STPG4: variants seen among roughly 807,000 people sequenced by gnomAD.
The protein encoded by STPG4 is protein STPG4.
In STPG4, 41 loss-of-function variants were observed where a neutral mutation model predicts 31.5. That is an observed-to-expected ratio of 1.30 (90% CI 1.01 to 1.69). The LOEUF (loss-of-function observed/expected upper bound fraction) is 1.69. Among genes scored for constraint, STPG4 ranks in the 40% most tolerant of loss-of-function variants. The pLI, the probability that STPG4 is intolerant of heterozygous loss-of-function variation, is 0.00. For synonymous variants in STPG4, 141 were observed against 103.0 expected (o/e 1.37, Z -2.24); for missense variants, 375 against 293.4 (o/e 1.28, Z -2.03).
intron 5 of STPG4, among the ~76,000 whole-genome samples, chr2:47,126,439 C>A (rs1277702697): frequency 6.6e-6 from 1 of 152,094 alleles, no homozygotes; most frequent in African/African-American, 2.4e-5. Context: ...GATCCTCCCA[C>A]CTTAGCCTCG....
At chr2:47,150,695 G>A (rs1383909289) in intron 3 of STPG4, among the ~76,000 whole-genome samples, 2 of 151,084 alleles carry the variant, frequency 1.3e-5, no homozygotes, top group Non-Finnish European at 2.9e-5. Context: ...ATATTGCCCG[G>A]GCTGATCTAC....
intron 3 of STPG4, among the ~76,000 whole-genome samples, chr2:47,145,678 T>G (rs550567115): frequency 4.3e-4 from 66 of 152,226 alleles, no homozygotes; most frequent in Non-Finnish European, 6.9e-4. Flanking sequence ...ATTTGAGTAA[T>G]CATTAATTCA....
At chr2:47,119,675 G>A (rs75304043) in intron 5 of STPG4, among the ~76,000 whole-genome samples, 20,135 of 152,058 alleles carry the variant, frequency 0.13, 1,471 homozygotes, top group African/African-American at 0.17. Flanking sequence ...AAAAAAAGAC[G>A]TAACTATTGT....
chr2:47,130,036 T>C (rs1488115188), intron 4 of STPG4, 41 bp from the exon 5 acceptor site: 1 of 1,500,504 alleles, frequency 6.7e-7, no homozygotes, highest in East Asian at 2.3e-5. Context: ...TTTCTAAATC[T>C]ATTTTTTAAA....
At chr2:47,143,422 A>C (rs891649972) in intron 3 of STPG4, among the ~76,000 whole-genome samples, 1 of 150,526 alleles carries the variant, frequency 6.6e-6, no homozygotes, top group African/African-American at 2.4e-5. Flanking sequence ...GTTGAAGCCA[A>C]GCATCACTTT....
chr2:47,125,123 A>AT (rs552933906), intron 5 of STPG4, among the ~76,000 whole-genome samples: 20 of 151,952 alleles, frequency 1.3e-4, no homozygotes, highest in Non-Finnish European at 2.2e-4. Context: ...AAATTATTAG[A>AT]TTTTTTTCCT....
intron 6 of STPG4, among the ~76,000 whole-genome samples, chr2:47,087,525 T>G (rs951108720): frequency 4.6e-5 from 7 of 152,082 alleles, no homozygotes; most frequent in African/African-American, 1.7e-4. Context: ...AAGAAGTGAG[T>G]GAAGAGAATT....
chr2:47,116,073 A>G lies in STPG4; in HGVS notation c.519+13868T>C, dbSNP rs940488692. On this transcript the variant is annotated intron_variant, in intron 5 of 6. Coordinates refer to ENST00000445927, the MANE Select transcript of STPG4 (RefSeq NM_001163561.2). ...TAGGGTTCCCTAAGTGTTGGGATAT[A>G]GTGTTCTTTCCTCTGGGCTCATTGA... Among the ~76,000 whole-genome samples the G allele has an allele frequency of 1.3e-5, 2 of 152,202 alleles. 1 individual carries two copies. The highest frequency in any genetic ancestry group is 4.8e-5 in the African/African-American group (2 of 41,454).
At chr2:47,090,218 C>T (rs77701325) in intron 6 of STPG4, 52 bp downstream of exon 6, 4 of 1,292,216 alleles carry the variant, frequency 3.1e-6, no homozygotes, top group Non-Finnish European at 3.3e-6. Flanking sequence ...AAACCTACCA[C>T]CATAACCATA....
At chr2:47,109,623 A>G (rs921185108) in intron 5 of STPG4, among the ~76,000 whole-genome samples, 2 of 152,150 alleles carry the variant, frequency 1.3e-5, no homozygotes, top group Non-Finnish European at 2.9e-5. Context: ...ATTTTTCCCA[A>G]AATGTTACCC....
At chr2:47,135,704 G>C (rs1337887644) in intron 3 of STPG4, among the ~76,000 whole-genome samples, 2 of 151,952 alleles carry the variant, frequency 1.3e-5, no homozygotes, top group Non-Finnish European at 2.9e-5. Context: ...TTTTGAATGT[G>C]GATATCCAGT....
At chr2:47,135,863 T>C (rs1686586144) in intron 3 of STPG4, among the ~76,000 whole-genome samples, 1 of 152,242 alleles carries the variant, frequency 6.6e-6, no homozygotes, top group Non-Finnish European at 1.5e-5. Flanking sequence ...TCTTTGCCAA[T>C]ATAATACTCT....
chr2:47,120,459 C>T (rs1418988578), intron 5 of STPG4, among the ~76,000 whole-genome samples: 1 of 151,388 alleles, frequency 6.6e-6, no homozygotes, highest in South Asian at 2.1e-4. Context: ...CCCAGCTATT[C>T]AGGAGGCTGA....
chr2:47,148,449 A>G (rs1041747649), intron 3 of STPG4, among the ~76,000 whole-genome samples: 1 of 152,112 alleles, frequency 6.6e-6, no homozygotes, highest in Non-Finnish European at 1.5e-5. Flanking sequence ...AAAAAATAGA[A>G]AGTCTCTCCA....
chr2:47,089,396 T>C (rs536555976), intron 6 of STPG4, among the ~76,000 whole-genome samples: 1 of 152,312 alleles, frequency 6.6e-6, no homozygotes, highest in South Asian at 2.1e-4. Context: ...GCCTGGGATA[T>C]AGGCTAAGGA....
At chr2:47,107,944 G>C (rs1038365403) in intron 5 of STPG4, among the ~76,000 whole-genome samples, 3 of 145,704 alleles carry the variant, frequency 2.1e-5, no homozygotes, top group Middle Eastern at 3.3e-3. Flanking sequence ...CTAGCTCAGG[G>C]ATTGTAAATA....
At chr2:47,137,880 C>T (rs945716857) in intron 3 of STPG4, among the ~76,000 whole-genome samples, 1 of 152,036 alleles carries the variant, frequency 6.6e-6, no homozygotes, top group African/African-American at 2.4e-5. Context: ...CTTAGTTAGC[C>T]TAGATAGATG....
intron 5 of STPG4, among the ~76,000 whole-genome samples, chr2:47,124,496 G>C (rs1480350103): frequency 6.6e-6 from 1 of 151,798 alleles, no homozygotes; most frequent in African/African-American, 2.4e-5. Context: ...ATAATTTTTA[G>C]CTCCTACAAA....
intron 5 of STPG4, among the ~76,000 whole-genome samples, chr2:47,126,908 A>G (rs1292127158): frequency 2.6e-5 from 4 of 151,398 alleles, no homozygotes; most frequent in African/African-American, 4.9e-5. Flanking sequence ...ATTGTATGTT[A>G]TTTACTTCTT....
Sources: gnomAD v4.1 joint callset for allele counts (sites outside exome capture counted in the v4.1 genomes callset) on GRCh38, gnomAD v4.1.1 for gene constraint, MANE v1.5 for transcripts, NCBI Gene and HGNC (gene_info 2026-07-23, HGNC 2026-07-21) for gene names.